Variants in MAP1B observed in about 807,000 individuals in gnomAD.
The protein encoded by MAP1B is microtubule-associated protein 1B.
In MAP1B, 12 loss-of-function variants were observed where a neutral mutation model predicts 176.1. The ratio of observed to expected loss-of-function variants is 0.07; its 90% CI spans 0.04 to 0.11. MAP1B has a LOEUF of 0.11. Among genes scored for constraint, MAP1B ranks in the 10% least tolerant of loss-of-function variants. The pLI is 1.00. For synonymous variants in MAP1B, 1,044 were observed against 1,135.0 expected (o/e 0.92, Z 1.61); for missense variants, 2,523 against 2,990.5 (o/e 0.84, Z 3.65).
chr5:72,205,480 C>A lies in MAP1B; in HGVS notation c.*241C>A. 1 of 444,136 alleles carries A rather than the reference C, an allele frequency of 2.3e-6. No individual in the cohort carries two copies. The highest frequency in any genetic ancestry group is 2.7e-5 in the South Asian group (1 of 36,906). The allele number at this position is 444,136 out of a possible 1,614,324, so 27.5% of individuals were successfully genotyped here. ...TCCTGCAAAATTACCTACCCCAGTTCATCTCTGCTGAACATTTGGAAACCA... is the reference window on the plus strand; with the variant it reads ...TCCTGCAAAATTACCTACCCCAGTTAATCTCTGCTGAACATTTGGAAACCA... On this transcript the variant is annotated 3_prime_UTR_variant, in exon 7 of 7. Transcript: ENST00000296755.
chr5:72,193,941 T>A lies in MAP1B; in HGVS notation c.586T>A (p.Trp196Arg), dbSNP rs1375132905. ...LTLFCPEEGD[W>R]KNSNLDRHNL... is the part of the protein sequence containing the mutation. Reference sequence around the variant, plus strand: ...CCTGTTCTGTCCTGAAGAAGGGGACTGGAAGAACTCCAATCTTGACAGACA... The same window carrying A: ...CCTGTTCTGTCCTGAAGAAGGGGACAGGAAGAACTCCAATCTTGACAGACA... Residue 196 changes from tryptophan to arginine, a missense_variant, in exon 5 of 7, where the codon TGG (tryptophan) becomes AGG (arginine). This residue lies in a region of MAP1B where 307 missense variants were observed against 438.4 expected (regional missense o/e 0.70). Coordinates refer to ENST00000296755, the MANE Select transcript of MAP1B (RefSeq NM_005909.5). 1 of 1,614,084 alleles carries A rather than the reference T, an allele frequency of 6.2e-7. No individual in the cohort carries two copies. The highest frequency in any genetic ancestry group is 8.5e-7 in the Non-Finnish European group (1 of 1,180,022).
chr5:72,177,944 T>TCCTTCCCTCCTTCCTTCCTC (rs1746684706), intron 2 of MAP1B, among the ~76,000 whole-genome samples: 3 of 152,068 alleles, frequency 2.0e-5, no homozygotes, highest in Non-Finnish European at 4.4e-5. Context: ...CTTTTTTCCT[T>TCCTTCCCTCCTTCCTTCCTC]CCTTCCCTCC....
rs542996212 is a variant in MAP1B at position 72,194,003 on chromosome 5, A to G, written c.648A>G (p.Ser216=). The change falls in exon 5 of 7, where the codon TCA becomes TCG. Residue 216 remains serine, a synonymous_variant. Transcript: ENST00000296755. The surrounding 1 kb of genome is among the most constrained non-coding windows in gnomAD (Gnocchi z 7.2). The stretch of plus-strand genomic sequence containing the variant: ...ACTTCATCAATATTAAACTCAATTC[A>G]GCTTCTATCTTGCCAGAAATGGAAG... ...LQDFINIKLN[S]ASILPEMEGL... 5.6e-6 allele frequency: 9 copies of G among 1,614,212 alleles called. No individual in the cohort carries two copies. The African/African-American group carries it at 1.2e-4, about 22-fold the overall frequency.
chr5:72,118,907 A>G (rs1745478274), intron 2 of MAP1B, among the ~76,000 whole-genome samples: 2 of 152,206 alleles, frequency 1.3e-5, no homozygotes, highest in Non-Finnish European at 2.9e-5. Flanking sequence ...GTTCACTTGT[A>G]AAGACTGAAG....
chr5:72,191,134 C>T (rs1214756228), intron 4 of MAP1B, among the ~76,000 whole-genome samples: 2 of 152,180 alleles, frequency 1.3e-5, no homozygotes, highest in African/African-American at 4.8e-5. Flanking sequence ...TTGAACTGGC[C>T]AAGTTTGGCA....
chr5:72,156,989 T>C (rs1746239056), intron 2 of MAP1B, among the ~76,000 whole-genome samples: 1 of 152,226 alleles, frequency 6.6e-6, no homozygotes, highest in Admixed American at 6.5e-5. Flanking sequence ...TGGAAGATGT[T>C]AAACCTTCCC....
At position 72,195,317 on chromosome 5, in the gene MAP1B, A is replaced by C; in HGVS notation, c.1962A>C (p.Glu654Asp). 2 of 1,608,348 alleles carry C rather than the reference A, an allele frequency of 1.2e-6. No homozygotes were observed. The highest frequency in any genetic ancestry group is 1.7e-6 in the Non-Finnish European group (2 of 1,177,984). ...VKPEDKKEEKEKPKKEVAKKE... is the reference protein window; with the variant it reads ...VKPEDKKEEKDKPKKEVAKKE... ...CTGAAGACAAGAAAGAGGAGAAAGA[A>C]AAGCCAAAGAAAGAAGTGGCTAAAA... Residue 654 changes from glutamate to aspartate, a missense_variant, in exon 5 of 7, where the codon GAA (glutamate) becomes GAC (aspartate). Glu to Asp is a conservative substitution (Grantham distance 45). Transcript: ENST00000296755.
chr5:72,199,133 T>C lies in MAP1B; in HGVS notation c.5778T>C (p.Ile1926=). 6.2e-7 allele frequency: 1 copy of C among 1,614,118 alleles called. No homozygotes were observed. Among genetic ancestry groups the C allele is most frequent in the Non-Finnish European group, 8.5e-7 (1 of 1,180,020 alleles). ...PSDSGYSYET[I]GKTTKTPEDG... ...ACAGTGGCTACTCCTATGAGACCATTGGGAAAACTACCAAGACCCCTGAAG... is the reference window on the plus strand; with the variant it reads ...ACAGTGGCTACTCCTATGAGACCATCGGGAAAACTACCAAGACCCCTGAAG... Residue 1926 remains isoleucine, a synonymous_variant, in exon 5 of 7, where the codon ATT becomes ATC. Transcript: ENST00000296755. This position sits in a 1 kb window ranked among gnomAD's most constrained non-coding sequence, Gnocchi z 4.2.
chr5:72,187,056 A>G (rs1289981001), intron 4 of MAP1B, among the ~76,000 whole-genome samples: 1 of 152,222 alleles, frequency 6.6e-6, no homozygotes, highest in African/African-American at 2.4e-5. Flanking sequence ...GTCAGAGCCC[A>G]AAAGAAAACC....
chr5:72,128,240 G>A (rs566490859), intron 2 of MAP1B, among the ~76,000 whole-genome samples: 1 of 152,148 alleles, frequency 6.6e-6, no homozygotes, highest in Non-Finnish European at 1.5e-5. Context: ...AAACATGAGG[G>A]TGTGCGGATT....
Position 72,199,331 on chromosome 5 carries a change from T to A in MAP1B, c.5976T>A (p.Asp1992Glu), listed in dbSNP as rs757542417. 6 of 1,614,042 alleles carry A rather than the reference T, an allele frequency of 3.7e-6. No homozygotes were observed. In the African/African-American group the frequency reaches 6.7e-5, roughly 18 times the overall value. ...RLLDDISNGY[D>E]DSEDGGHTLG... Reference sequence around the variant, plus strand: ...TGGATGACATCAGCAATGGCTATGATGACTCTGAGGATGGTGGCCACACAC... The same window carrying A: ...TGGATGACATCAGCAATGGCTATGAAGACTCTGAGGATGGTGGCCACACAC... Residue 1992 changes from aspartate to glutamate, a missense_variant, in exon 5 of 7, where the codon GAT becomes GAA. Around this residue, in one of 4 missense-constraint regions of MAP1B, gnomAD observed 1,925 missense variants for 2,126.0 expected, o/e 0.91. Coordinates refer to ENST00000296755, the MANE Select transcript of MAP1B (RefSeq NM_005909.5). The surrounding 1 kb of genome is among the most constrained non-coding windows in gnomAD (Gnocchi z 4.2).
rs1324230859 is a variant in MAP1B, at chr5:72,198,179, A to T, written c.4824A>T (p.Pro1608=). Residue 1608 remains proline (P), a synonymous_variant, in exon 5 of 7, where the codon CCA becomes CCT. Coordinates refer to ENST00000296755, the MANE Select transcript of MAP1B (RefSeq NM_005909.5). The part of the protein sequence containing the change: ...PTTFQETEMS[P]SKEECPRPMS... ...CATTCCAGGAAACAGAAATGTCTCC[A>T]TCTAAAGAAGAATGCCCAAGACCGA... 1.9e-6 allele frequency: 3 copies of T among 1,614,106 alleles called. No homozygotes were observed. The African/African-American group carries it at 4.0e-5, about 22-fold the overall frequency.
intron 2 of MAP1B, among the ~76,000 whole-genome samples, chr5:72,122,600 T>C (rs927134840): frequency 2.6e-5 from 4 of 151,798 alleles, no homozygotes; most frequent in African/African-American, 9.7e-5. Context: ...TAGTTAATAA[T>C]GGGCTCTTTC....
chr5:72,179,316 A>G (rs761887955), intron 2 of MAP1B, among the ~76,000 whole-genome samples: 7 of 152,186 alleles, frequency 4.6e-5, no homozygotes, highest in Non-Finnish European at 8.8e-5. Flanking sequence ...GGGCTGCCTA[A>G]GGGTTTCCCT....
intron 2 of MAP1B, among the ~76,000 whole-genome samples, chr5:72,183,344 G>C (rs1360805090): frequency 1.3e-5 from 2 of 152,194 alleles, no homozygotes; most frequent in Non-Finnish European, 2.9e-5. Context: ...TCTCAGTGCA[G>C]TTCTCACCAG....
chr5:72,183,266 G>A (rs1292273217), intron 2 of MAP1B, among the ~76,000 whole-genome samples: 1 of 152,188 alleles, frequency 6.6e-6, no homozygotes, highest in African/African-American at 2.4e-5. Context: ...CAGCCATTCT[G>A]GTTGTTGGGC....
chr5:72,173,329 G>T (rs1274870547), intron 2 of MAP1B, among the ~76,000 whole-genome samples: 2 of 152,132 alleles, frequency 1.3e-5, no homozygotes, highest in African/African-American at 4.8e-5. Flanking sequence ...TTCAGGATAG[G>T]GGTAGCATCT....
chr5:72,197,455 A>G lies in MAP1B; in HGVS notation c.4100A>G (p.Asp1367Gly). 4 of 1,614,222 alleles carry G rather than the reference A, an allele frequency of 2.5e-6. No homozygotes were observed. The highest frequency in any genetic ancestry group is 3.4e-6 in the Non-Finnish European group (4 of 1,180,028). ...GTTCCAGTGAGTTTTGAATTCAGTGATGCCAAAGATGAGAATGAAAGGGCT... is the reference window on the plus strand; with the variant it reads ...GTTCCAGTGAGTTTTGAATTCAGTGGTGCCAAAGATGAGAATGAAAGGGCT... ...PAVPVSFEFS[D>G]AKDENERASV... is the part of the protein sequence containing the mutation. The change falls in exon 5 of 7, where the codon GAT becomes GGT. Residue 1367 changes from aspartate to glycine, a missense_variant. This residue lies in a region of MAP1B where 1,925 missense variants were observed against 2,126.0 expected (regional missense o/e 0.91). Transcript: ENST00000296755.
rs113223914 is a variant in MAP1B, at chr5:72,204,500, T to C, written c.7252-584T>C. ...TAAATTGTGCTTGTATCATATTATA[T>C]AGAATTACTTGTTATTTAATCATAT... On this transcript the variant is annotated intron_variant, in intron 6 of 6. Coordinates refer to ENST00000296755, the MANE Select transcript of MAP1B (RefSeq NM_005909.5). This position sits in a 1 kb window ranked among gnomAD's most constrained non-coding sequence, Gnocchi z 4.4. 2.1e-3 allele frequency among the ~76,000 whole-genome samples: 313 copies of C among 152,342 alleles called. No homozygotes were observed. The highest frequency in any genetic ancestry group is 6.9e-3 in the African/African-American group (287 of 41,572).
Sources: gnomAD v4.1 joint callset for allele counts (sites outside exome capture counted in the v4.1 genomes callset) on GRCh38, gnomAD v4.1.1 for gene constraint, gnomAD v4.1.1 regional missense constraint, Gnocchi (gnomAD v3.1) non-coding constraint, MANE v1.5 for transcripts, NCBI Gene and HGNC (gene_info 2026-07-23, HGNC 2026-07-21) for gene names.